Variants in DNM3 observed in about 807,000 individuals in gnomAD.
The protein encoded by DNM3 is dynamin-3.
DNM3 carries 47 observed loss-of-function variants against 101.6 expected under a neutral mutation model. The ratio of observed to expected loss-of-function variants is 0.46; its 90% CI spans 0.37 to 0.59. DNM3 has a LOEUF of 0.59. Ranked by LOEUF, DNM3 falls within the 20% of genes least tolerant of loss-of-function variation. DNM3 has a pLI of 0.00. For synonymous variants in DNM3, 385 were observed against 387.9 expected (o/e 0.99, Z 0.09); for missense variants, 849 against 1,085.7 (o/e 0.78, Z 3.06).
chr1:171,916,636 A>G lies in DNM3; in HGVS notation c.162-5112A>G, dbSNP rs535122602. On this transcript the variant is annotated intron_variant, in intron 1 of 20. Coordinates refer to ENST00000627582, the MANE Select transcript of DNM3 (RefSeq NM_015569.5). ...TCTTTCTGAATGACATACACCGGCT[A>G]CTGACTAGTGACTCATCACCCTGTC... is the stretch of plus-strand genomic sequence containing the variant. 2.0e-5 allele frequency among the ~76,000 whole-genome samples: 3 copies of G among 152,322 alleles called. No homozygotes were observed. In the East Asian group the frequency reaches 5.8e-4, roughly 29 times the overall value.
intron 20 of DNM3, among the ~76,000 whole-genome samples, chr1:172,400,474 A>G (rs114328375): frequency 0.013 from 2,047 of 151,976 alleles, 53 homozygotes; most frequent in African/African-American, 0.047. Flanking sequence ...AGGACAGGAG[A>G]AAAGGAGGAA....
rs115834967 is a variant in DNM3, at chr1:172,399,164, C to G, written c.2523-8608C>G. Among the ~76,000 whole-genome samples, 625 of 152,226 alleles carry G rather than the reference C, an allele frequency of 4.1e-3. 4 individuals carry two copies. Among genetic ancestry groups the G allele is most frequent in the African/African-American group, 0.014 (601 of 41,524 alleles). ...CAGACTCTTTACATGGCCCAGGGGA[C>G]ATATTATTCTTTACCCTTTTAGCAC... On this transcript the variant is annotated intron_variant, in intron 20 of 20. Coordinates refer to ENST00000627582, the MANE Select transcript of DNM3 (RefSeq NM_015569.5).
chr1:172,301,873 T>C (rs943189438), intron 15 of DNM3, among the ~76,000 whole-genome samples: 31 of 151,964 alleles, frequency 2.0e-4, no homozygotes, highest in African/African-American at 7.3e-4. Flanking sequence ...GAAAAATAGG[T>C]ACAATGAAAG....
At chr1:171,941,904 A>G (rs769070721) in intron 2 of DNM3, among the ~76,000 whole-genome samples, 18 of 152,224 alleles carry the variant, frequency 1.2e-4, no homozygotes, top group Non-Finnish European at 2.4e-4. Context: ...TCAGATATCA[A>G]TACATATAAA....
chr1:172,001,885 C>T (rs1252535340), intron 4 of DNM3, among the ~76,000 whole-genome samples: 1 of 151,974 alleles, frequency 6.6e-6, no homozygotes, highest in Admixed American at 6.6e-5. Flanking sequence ...GTGATGTAAA[C>T]TGATATTCAT....
chr1:171,847,898 G>C (rs866514254), intron 1 of DNM3, among the ~76,000 whole-genome samples: 1,368 of 132,370 alleles, frequency 0.01, 18 homozygotes, highest in African/African-American at 0.029. Context: ...CTCTCTCTCT[G>C]TGTGTGTGTG....
chr1:172,413,237 G>GTT (rs1475726716), downstream of DNM3, among the ~76,000 whole-genome samples: 2 of 152,020 alleles, frequency 1.3e-5, no homozygotes, highest in African/African-American at 4.8e-5. Flanking sequence ...TTGTTTGTTT[G>GTT]TTTGTTTTTG....
At chr1:172,044,749 A>T (rs2049643844) in intron 9 of DNM3, among the ~76,000 whole-genome samples, 1 of 152,190 alleles carries the variant, frequency 6.6e-6, no homozygotes, top group South Asian at 2.1e-4. Flanking sequence ...TTCATGAGGG[A>T]GGCCAGACAT....
chr1:171,941,453 A>G (rs1339881591), intron 2 of DNM3, among the ~76,000 whole-genome samples: 1 of 152,202 alleles, frequency 6.6e-6, no homozygotes, highest in East Asian at 1.9e-4. Context: ...AGGTATACAT[A>G]CTGCAACTGT....
chr1:172,338,687 G>A (rs1272961226), intron 17 of DNM3: 2 of 361,704 alleles, frequency 5.5e-6, no homozygotes, highest in Admixed American at 6.7e-5. Context: ...CCCACCAGGT[G>A]CGCCCTGAGA....
At chr1:171,990,552 C>T (rs138743894) in intron 4 of DNM3, among the ~76,000 whole-genome samples, 2 of 152,194 alleles carry the variant, frequency 1.3e-5, no homozygotes, top group Admixed American at 6.5e-5. Flanking sequence ...TAATTAATTC[C>T]TCTGCTTTCA....
intron 4 of DNM3, among the ~76,000 whole-genome samples, chr1:171,994,944 A>T (rs941870644): frequency 2.0e-5 from 3 of 151,498 alleles, no homozygotes; most frequent in African/African-American, 7.3e-5. Context: ...ATGCTCTCCA[A>T]CCCCATTCTG....
chr1:171,987,663 CG>C lies in DNM3; in HGVS notation c.244del (p.Glu82SerfsTer27). 1 of 1,568,686 alleles carries C rather than the reference CG, an allele frequency of 6.4e-7. No individual in the cohort carries two copies. The highest frequency in any genetic ancestry group is 8.6e-7 in the Non-Finnish European group (1 of 1,161,658). On this transcript the variant is annotated frameshift_variant, in exon 3 of 21. Transcript: ENST00000627582. LOFTEE classifies it high-confidence loss of function. Reference sequence around the variant, plus strand: ...TTGGTTTTATTTTTGTAGAATATGCCGAGTTTCTACATTGCAAAGGAAAGAA... The same window carrying C: ...TTGGTTTTATTTTTGTAGAATATGCCAGTTTCTACATTGCAAAGGAAAGAA... Reference protein sequence around the residue: ...QLVTSKAEYAEFLHCKGKKFT... With the variant: ...QLVTSKAEYAXFLHCKGKKFT...
intron 14 of DNM3, among the ~76,000 whole-genome samples, chr1:172,173,350 A>T (rs2059033713): frequency 6.6e-6 from 1 of 151,690 alleles, no homozygotes; most frequent in Non-Finnish European, 1.5e-5. Flanking sequence ...CTACATAGGG[A>T]ATCTAGAAGA....
At chr1:172,005,204 C>T (rs2046606986) in intron 4 of DNM3, among the ~76,000 whole-genome samples, 1 of 151,960 alleles carries the variant, frequency 6.6e-6, no homozygotes, top group South Asian at 2.1e-4. Context: ...ATAATACCTT[C>T]CTTTTAGGAC....
At chr1:172,067,092 C>A (rs2051741536) in intron 10 of DNM3, among the ~76,000 whole-genome samples, 1 of 151,930 alleles carries the variant, frequency 6.6e-6, no homozygotes, top group South Asian at 2.1e-4. Flanking sequence ...CTCAGTATAC[C>A]CTCACCTGTA....
At position 172,304,222 on chromosome 1, in the gene DNM3, A is replaced by AAAAAAAAAAAAAAAAAAAAC. The variant is rs745651671; in HGVS notation, c.1770-4506_1770-4505insAAAAAAAAAAAAAAAAAAAC. Among the ~76,000 whole-genome samples the AAAAAAAAAAAAAAAAAAAAC allele has an allele frequency of 1.0e-3, 135 of 128,906 alleles. 6 individuals are homozygous for AAAAAAAAAAAAAAAAAAAAC. The highest frequency in any genetic ancestry group is 1.4e-3 in the Non-Finnish European group (87 of 62,980). 84.6% of individuals were successfully genotyped at this position (128,906 alleles called of 152,430 possible). On this transcript the variant is annotated intron_variant, in intron 15 of 20. Coordinates refer to ENST00000627582, the MANE Select transcript of DNM3 (RefSeq NM_015569.5). ...AAAGGAAAGCAAAAAAAAAAAAAAA[A>AAAAAAAAAAAAAAAAAAAAC]CAGGAGTTGCAATCCTAGTCTCTGA...
At chr1:172,336,393 G>T (rs886751039) in intron 17 of DNM3, among the ~76,000 whole-genome samples, 1 of 150,548 alleles carries the variant, frequency 6.6e-6, no homozygotes, top group Admixed American at 6.6e-5. Flanking sequence ...ACATCTTTAT[G>T]CATAATTTCT....
intron 4 of DNM3, among the ~76,000 whole-genome samples, chr1:172,013,802 A>G (rs1350128226): frequency 6.6e-6 from 1 of 152,140 alleles, no homozygotes; most frequent in South Asian, 2.1e-4. Flanking sequence ...GAGGCTTAGT[A>G]TTGGAGTAGG....
Sources: allele counts gnomAD v4.1 joint callset (sites outside exome capture counted in the v4.1 genomes callset), GRCh38; gene constraint gnomAD v4.1.1; transcripts MANE v1.5; gene names NCBI Gene and HGNC (gene_info 2026-07-23, HGNC 2026-07-21).